Variants in ZCCHC8 observed in about 807,000 individuals in gnomAD.
The protein encoded by ZCCHC8 is zinc finger CCHC-type containing 8.
ZCCHC8 carries 27 observed loss-of-function variants against 70.6 expected under a neutral mutation model. That is an observed-to-expected ratio of 0.38 (90% CI 0.28 to 0.53). ZCCHC8 has a LOEUF of 0.53. Among genes scored for constraint, ZCCHC8 ranks in the 20% least tolerant of loss-of-function variants. The pLI, the probability that ZCCHC8 is intolerant of heterozygous loss-of-function variation, is 0.81. For missense variants in ZCCHC8, 737 were observed against 876.9 expected (o/e 0.84, Z 2.01); for synonymous variants, 293 against 317.4 (o/e 0.92, Z 0.82).
intron 1 of ZCCHC8, chr12:122,499,709 G>C (rs181628105): frequency 7.9e-5 from 12 of 152,144 alleles, no homozygotes; most frequent in African/African-American, 2.9e-4. Flanking sequence ...GGGCGCCGTG[G>C]CGGGCGCCTG....
chr12:122,474,866 C>T (rs1957389361), intron 13 of ZCCHC8, among the ~76,000 whole-genome samples: 1 of 150,690 alleles, frequency 6.6e-6, no homozygotes, highest in South Asian at 2.1e-4. Context: ...TCCCGAGTAG[C>T]TGCAATTACA....
chr12:122,482,080 T>C lies in ZCCHC8; in HGVS notation c.740A>G (p.Asn247Ser). The change falls in exon 9 of 14, where the codon AAT becomes AGT. Residue 247 changes from asparagine to serine, a missense_variant. By Grantham distance (46) the Asn-to-Ser change is conservative (BLOSUM62 1). Transcript: ENST00000633063. The stretch of plus-strand genomic sequence containing the variant: ...TCTCTTTTCACTTATTCGAGCAGCA[T>C]TCCGAGGCTACATCATGACACATTT... ...HQMKDCPMPR[N>S]AARISEKRKE... 1 of 1,607,564 alleles carries C rather than the reference T, an allele frequency of 6.2e-7. No homozygotes were observed. The highest frequency in any genetic ancestry group is 2.2e-5 in the East Asian group (1 of 44,796).
chr12:122,481,107 A>G (rs1957524426), intron 10 of ZCCHC8: 1 of 153,332 alleles, frequency 6.5e-6, no homozygotes, highest in South Asian at 2.0e-4. Flanking sequence ...AGATTCTTGT[A>G]TACATACAAT....
Position 122,473,677 on chromosome 12 carries a change from G to C in ZCCHC8, c.1944C>G (p.Thr648=). The C allele has an allele frequency of 6.2e-7, 1 of 1,613,998 alleles. No individual in the cohort carries two copies. Among genetic ancestry groups the C allele is most frequent in the Non-Finnish European group, 8.5e-7 (1 of 1,179,890 alleles). ...GAATTTTAGTGGCCGTTGAAGGACT[G>C]GTGTCTGCAGGAAAGAGCTTCTGGC... ...GGSQKLFPAD[T]SPSTATKIHS... The change falls in exon 14 of 14, where the codon ACC becomes ACG. Residue 648 remains threonine, a synonymous_variant. Transcript: ENST00000633063.
chr12:122,499,247 G>T, intron 1 of ZCCHC8: 2 of 224,156 alleles, frequency 8.9e-6, no homozygotes, highest in Non-Finnish European at 1.8e-5. Flanking sequence ...ATCTATGGAT[G>T]TCCACTGTAG....
rs2137381020 is a variant in ZCCHC8 at position 122,500,395 on chromosome 12, G to A, written c.199+247C>T. 3.7e-6 allele frequency: 2 copies of A among 535,996 alleles called. No homozygotes were observed. The highest frequency in any genetic ancestry group is 6.4e-5 in the East Asian group (2 of 31,204). The allele number at this position is 535,996 out of a possible 1,614,324, so 33.2% of individuals were successfully genotyped here. A position where few individuals can be genotyped will look rare whatever the true frequency, so the allele number is the denominator to read the frequency against. ...TAACCCTAAACACGGCACCCGGGTG[G>A]GAGGCAGGAGTGGGTCTGGTCAGGA... On this transcript the variant is annotated intron_variant, in intron 1 of 13. Transcript: ENST00000633063. This position sits in a 1 kb window ranked among gnomAD's most constrained non-coding sequence, Gnocchi z 4.8.
At chr12:122,488,633 G>A (rs546408736) in intron 5 of ZCCHC8, among the ~76,000 whole-genome samples, 13 of 152,112 alleles carry the variant, frequency 8.5e-5, no homozygotes, top group African/African-American at 2.9e-4. Context: ...AACACTCTGG[G>A]AGGCCAAGGA....
At chr12:122,482,473 T>G in intron 8 of ZCCHC8, 162 bp downstream of exon 8, 3 of 495,074 alleles carry the variant, frequency 6.1e-6, no homozygotes, top group Non-Finnish European at 1.1e-5. Flanking sequence ...TTTAATGTCT[T>G]AAAATATGAA....
chr12:122,474,188 C>A lies in ZCCHC8; in HGVS notation c.1433G>T (p.Gly478Val). Residue 478 changes from glycine (G) to valine (V), a missense_variant, in exon 14 of 14, where the codon GGA (glycine) becomes GTA (valine). Transcript: ENST00000633063. ...AGGGGTGAAGACGGGTGGAGGAGTT[C>A]CCCGGGGGAGTGGAGGAGTGTCAGG... ...LPPDTPPLPR[G>V]TPPPVFTPPL... 1 of 1,511,450 alleles carries A rather than the reference C, an allele frequency of 6.6e-7. No homozygotes were observed. Among genetic ancestry groups the A allele is most frequent in the Non-Finnish European group, 8.8e-7 (1 of 1,138,930 alleles). 93.6% of individuals were successfully genotyped at this position (1,511,450 alleles called of 1,614,324 possible). A position where few individuals can be genotyped will look rare whatever the true frequency, so the allele number is the denominator to read the frequency against.
At chr12:122,496,446 A>G (rs1224040402) in intron 2 of ZCCHC8, among the ~76,000 whole-genome samples, 2 of 152,182 alleles carry the variant, frequency 1.3e-5, no homozygotes, top group Non-Finnish European at 2.9e-5. Flanking sequence ...TCGGATAAAA[A>G]TCACCCAATT....
intron 5 of ZCCHC8, among the ~76,000 whole-genome samples, chr12:122,485,985 G>A (rs1318010465): frequency 6.6e-6 from 1 of 152,118 alleles, no homozygotes; most frequent in Non-Finnish European, 1.5e-5. Flanking sequence ...GCACTTCTCA[G>A]CAGCACCACT....
Position 122,483,276 on chromosome 12 carries a change from A to T in ZCCHC8, c.671+3T>A. 6.3e-7 allele frequency: 1 copy of T among 1,591,480 alleles called. No homozygotes were observed. The highest frequency in any genetic ancestry group is 2.3e-5 in the East Asian group (1 of 44,302). ...GTAAAACAAAACAACTCCCCACACA[A>T]ACCTTTTTGCCTTTACTTGTATTTC... is the stretch of plus-strand genomic sequence containing the variant. On this transcript the variant is annotated splice_donor_region_variant and intron_variant, in intron 7 of 13. Coordinates refer to ENST00000633063, the MANE Select transcript of ZCCHC8 (RefSeq NM_017612.5). This position sits in a 1 kb window ranked among gnomAD's most constrained non-coding sequence, Gnocchi z 4.4.
rs1053587091 is a variant in ZCCHC8 at position 122,500,435 on chromosome 12, G to T, written c.199+207C>A. ...TCTGGTCAGGAGACGGCCTCCCTGA[G>T]GGGAAGAGGTCTGCGCCGAGGCAGC... On this transcript the variant is annotated intron_variant, in intron 1 of 13. Coordinates refer to ENST00000633063, the MANE Select transcript of ZCCHC8 (RefSeq NM_017612.5). This position sits in a 1 kb window ranked among gnomAD's most constrained non-coding sequence, Gnocchi z 4.8. The T allele has an allele frequency of 6.1e-6, 4 of 656,298 alleles. No individual in the cohort carries two copies. The highest frequency in any genetic ancestry group is 3.1e-5 in the Admixed American group (1 of 32,378). 40.7% of individuals were successfully genotyped at this position (656,298 alleles called of 1,614,324 possible).
intron 10 of ZCCHC8, 102 bp downstream of exon 10, chr12:122,481,420 C>T (rs1209115341): frequency 1.4e-6 from 2 of 1,391,122 alleles, no homozygotes; most frequent in African/African-American, 2.9e-5. Flanking sequence ...AGTTAGCACA[C>T]ATTAAAGAAG....
At position 122,477,938 on chromosome 12, in the gene ZCCHC8, G is replaced by A; in HGVS notation, c.1248C>T (p.Asn416=). The A allele has an allele frequency of 6.2e-7, 1 of 1,613,820 alleles. No homozygotes were observed. Among genetic ancestry groups the A allele is most frequent in the South Asian group, 1.1e-5 (1 of 91,082 alleles). The part of the protein sequence containing the change: ...NFQAPGVKSG[N]KRSSSHSSPG... Reference sequence around the variant, plus strand: ...GGCTAGAGTGAGATGAAGACCTCTTGTTGCCAGACTTCACACCTGGCTAAA... The same window carrying A: ...GGCTAGAGTGAGATGAAGACCTCTTATTGCCAGACTTCACACCTGGCTAAA... The change falls in exon 13 of 14, where the codon AAC becomes AAT. Residue 416 remains asparagine, a synonymous_variant. Transcript: ENST00000633063.
chr12:122,486,412 CAAAAAA>C (rs762392385), intron 5 of ZCCHC8, among the ~76,000 whole-genome samples: 1 of 50,858 alleles, frequency 2.0e-5, no homozygotes, highest in Non-Finnish European at 3.9e-5. Flanking sequence ...GAGGCTGTCT[CAAAAAA>C]AAAAAAAAAA....
At position 122,473,286 on chromosome 12, in the gene ZCCHC8, A is replaced by T; in HGVS notation, c.*211T>A. The T allele has an allele frequency of 1.7e-6, 1 of 580,558 alleles. No homozygotes were observed. The highest frequency in any genetic ancestry group is 2.7e-5 in the South Asian group (1 of 37,444). The allele number at this position is 580,558 out of a possible 1,614,324, so 36.0% of individuals were successfully genotyped here. ...CCTCTCTAAACCAGGTCATATTCAC[A>T]TCTCCCCCCAAGTTTTGTCAGTGAG... is the stretch of plus-strand genomic sequence containing the variant. On this transcript the variant is annotated 3_prime_UTR_variant, in exon 14 of 14. Coordinates refer to ENST00000633063, the MANE Select transcript of ZCCHC8 (RefSeq NM_017612.5).
In ZCCHC8 at chr12:122,500,333, G is replaced by A. The variant is rs1957902280; in HGVS notation, c.199+309C>T. The A allele has an allele frequency of 2.9e-6, 1 of 346,304 alleles. No homozygotes were observed. Among genetic ancestry groups the A allele is most frequent in the East Asian group, 5.8e-5 (1 of 17,356 alleles). 21.5% of individuals were successfully genotyped at this position (346,304 alleles called of 1,614,324 possible). A position where few individuals can be genotyped will look rare whatever the true frequency, so the allele number is the denominator to read the frequency against. On this transcript the variant is annotated intron_variant, in intron 1 of 13. Coordinates refer to ENST00000633063, the MANE Select transcript of ZCCHC8 (RefSeq NM_017612.5). The surrounding 1 kb of genome is among the most constrained non-coding windows in gnomAD (Gnocchi z 4.8). ...ACCTCAAACAGAGGGGGGCAATTAAGGGCTTGTGTACAATCTGTCAGGTGA... is the reference window on the plus strand; with the variant it reads ...ACCTCAAACAGAGGGGGGCAATTAAAGGCTTGTGTACAATCTGTCAGGTGA...
chr12:122,481,075 T>C (rs118045938), intron 10 of ZCCHC8: 2,893 of 152,734 alleles, frequency 0.019, 47 homozygotes, highest in Non-Finnish European at 0.031. Context: ...GATTTTTCAC[T>C]ATCATATTCA....
Sources: gnomAD v4.1 joint callset for allele counts (sites outside exome capture counted in the v4.1 genomes callset) on GRCh38, gnomAD v4.1.1 for gene constraint, Gnocchi (gnomAD v3.1) non-coding constraint, MANE v1.5 for transcripts, NCBI Gene and HGNC (gene_info 2026-07-23, HGNC 2026-07-21) for gene names.